Variants in CERS6 observed in about 807,000 individuals in gnomAD.
CERS6 encodes ceramide synthase 6, also known as LAG1 homolog, ceramide synthase 6.
A neutral mutation model predicts 56.8 loss-of-function variants in CERS6; 26 were observed. That is an observed-to-expected ratio of 0.46 (90% CI 0.34 to 0.63). The LOEUF (loss-of-function observed/expected upper bound fraction) is 0.63, where lower values mean the gene tolerates loss of function less well. Among genes scored for constraint, CERS6 ranks in the 30% least tolerant of loss-of-function variants. The pLI, the probability that CERS6 is intolerant of heterozygous loss-of-function variation, is 0.01. For synonymous variants in CERS6, 164 were observed against 173.3 expected (o/e 0.95, Z 0.42); for missense variants, 415 against 467.5 (o/e 0.89, Z 1.04).
chr2:168,764,560 A>C (rs560312777), intron 8 of CERS6, among the ~76,000 whole-genome samples: 1 of 152,268 alleles, frequency 6.6e-6, no homozygotes, highest in South Asian at 2.1e-4. Flanking sequence ...TTACAAAATT[A>C]AGGACCCTCT....
rs150724635 is a variant in CERS6, at chr2:168,520,598, CTTTTTTTT to C, written c.171-26976_171-26969del. Among the ~76,000 whole-genome samples the C allele has an allele frequency of 4.5e-4, 26 of 57,894 alleles. 4 individuals carry two copies. The highest frequency in any genetic ancestry group is 4.2e-4 in the Non-Finnish European group (13 of 31,012). The allele number at this position is 57,894 out of a possible 152,430, so 38.0% of individuals were successfully genotyped here. A position where few individuals can be genotyped will look rare whatever the true frequency, so the allele number is the denominator to read the frequency against. ...TTAACTCTTTAACATTTACAATATCCTTTTTTTTTTTTTTTTTTTTTTTTTTTTTGAGA... is the reference window on the plus strand; with the variant it reads ...TTAACTCTTTAACATTTACAATATCCTTTTTTTTTTTTTTTTTTTTTGAGA... On this transcript the variant is annotated intron_variant, in intron 1 of 9. Transcript: ENST00000305747.
intron 8 of CERS6, among the ~76,000 whole-genome samples, chr2:168,746,775 G>GGGTA (rs1211266646): frequency 1.5e-4 from 6 of 39,016 alleles, no homozygotes; most frequent in Non-Finnish European, 2.2e-4. Flanking sequence ...AGGGTAAAGG[G>GGGTA]TATATATATA....
chr2:168,720,467 T>G (rs1364716111), intron 8 of CERS6, among the ~76,000 whole-genome samples: 3 of 152,168 alleles, frequency 2.0e-5, no homozygotes, highest in Admixed American at 2.0e-4. Flanking sequence ...TTCTGGGGTC[T>G]GAGTATCTTG....
intron 3 of CERS6, among the ~76,000 whole-genome samples, chr2:168,626,403 T>C (rs764821520): frequency 8.5e-5 from 13 of 152,110 alleles, no homozygotes; most frequent in Non-Finnish European, 4.4e-5. Context: ...GCCTTTTGGG[T>C]GACACCTGGC....
intron 1 of CERS6, among the ~76,000 whole-genome samples, chr2:168,520,421 C>T (rs1694955768): frequency 6.6e-6 from 1 of 151,896 alleles, no homozygotes; most frequent in African/African-American, 2.4e-5. Context: ...TGTGCAGAAG[C>T]TCTTTAGTTT....
At chr2:168,558,659 G>A (rs1397100989) in intron 2 of CERS6, among the ~76,000 whole-genome samples, 5 of 152,196 alleles carry the variant, frequency 3.3e-5, no homozygotes, top group Admixed American at 2.6e-4. Context: ...CACAAGGTCA[G>A]GAGATCGAGA....
chr2:168,678,653 G>A (rs1488908009), intron 4 of CERS6, among the ~76,000 whole-genome samples: 1 of 152,110 alleles, frequency 6.6e-6, no homozygotes, highest in Non-Finnish European at 1.5e-5. Context: ...GCCTTGAGGA[G>A]GTGGCGTGGC....
intron 1 of CERS6, among the ~76,000 whole-genome samples, chr2:168,473,579 G>A (rs1694015988): frequency 6.6e-6 from 1 of 151,986 alleles, no homozygotes; most frequent in African/African-American, 2.4e-5. Flanking sequence ...ATTTTAATTT[G>A]TGGATTAAAA....
rs142841956 is a variant in CERS6 at position 168,764,724 on chromosome 2, C to T, written c.846-868C>T. Among the ~76,000 whole-genome samples, 712 of 152,190 alleles carry T rather than the reference C, an allele frequency of 4.7e-3. 5 individuals carry two copies. Among genetic ancestry groups the T allele is most frequent in the Middle Eastern group, 0.02 (6 of 294 alleles). ...TATTGGCATTGAATGGCATTCTTCG[C>T]GCTTATTTAAAGCCCAAAAGCAACT... On this transcript the variant is annotated intron_variant, in intron 8 of 9. Coordinates refer to ENST00000305747, the MANE Select transcript of CERS6 (RefSeq NM_203463.3).
chr2:168,642,823 G>C (rs1685080420), intron 4 of CERS6, among the ~76,000 whole-genome samples: 1 of 152,178 alleles, frequency 6.6e-6, no homozygotes, highest in Non-Finnish European at 1.5e-5. Flanking sequence ...AGGACACTTA[G>C]TGAAAACAGC....
At chr2:168,657,763 G>A (rs1379353546) in intron 4 of CERS6, among the ~76,000 whole-genome samples, 5 of 152,202 alleles carry the variant, frequency 3.3e-5, no homozygotes, top group South Asian at 2.1e-4. Context: ...ACGCCCACCC[G>A]GAACTCCAGC....
chr2:168,544,004 T>C (rs916189775), intron 1 of CERS6, among the ~76,000 whole-genome samples: 3 of 152,336 alleles, frequency 2.0e-5, no homozygotes, highest in African/African-American at 4.8e-5. Flanking sequence ...TGTATTTTAC[T>C]TGATGGTTTT....
intron 8 of CERS6, among the ~76,000 whole-genome samples, chr2:168,735,487 T>G (rs17197994): frequency 0.033 from 5,091 of 152,176 alleles, 132 homozygotes; most frequent in Non-Finnish European, 0.049. Context: ...ATCAGACCGT[T>G]TCAGGGCTCT....
chr2:168,572,678 G>A (rs540897691), intron 3 of CERS6, among the ~76,000 whole-genome samples: 1 of 152,160 alleles, frequency 6.6e-6, no homozygotes, highest in East Asian at 1.9e-4. Context: ...CTTATGAAGG[G>A]CTGGAGTTAA....
chr2:168,569,103 T>G (rs1695935897), intron 3 of CERS6, among the ~76,000 whole-genome samples: 1 of 152,210 alleles, frequency 6.6e-6, no homozygotes, highest in Admixed American at 6.5e-5. Flanking sequence ...AACAGAAATG[T>G]ATTTTCTCAT....
intron 8 of CERS6, among the ~76,000 whole-genome samples, chr2:168,757,544 A>T (rs1474676729): frequency 2.0e-5 from 3 of 152,058 alleles, no homozygotes; most frequent in Non-Finnish European, 4.4e-5. Flanking sequence ...TGAAAGAGAG[A>T]TTATTTGTCC....
chr2:168,595,594 T>A (rs1224660337), intron 3 of CERS6, among the ~76,000 whole-genome samples: 1 of 152,248 alleles, frequency 6.6e-6, no homozygotes, highest in Non-Finnish European at 1.5e-5. Flanking sequence ...AGCATTAAAA[T>A]GTAAACTTAA....
At chr2:168,556,229 G>A (rs1032568908) in intron 2 of CERS6, among the ~76,000 whole-genome samples, 1 of 151,970 alleles carries the variant, frequency 6.6e-6, no homozygotes, top group Non-Finnish European at 1.5e-5. Flanking sequence ...AGCAAGACTA[G>A]AGACCAAATT....
intron 1 of CERS6, among the ~76,000 whole-genome samples, chr2:168,527,517 G>A (rs1158873657): frequency 6.6e-6 from 1 of 152,152 alleles, no homozygotes; most frequent in Admixed American, 6.6e-5. Context: ...AGTTTGCAAA[G>A]AATTAAATTT....
Sources: allele counts gnomAD v4.1 joint callset (sites outside exome capture counted in the v4.1 genomes callset), GRCh38; gene constraint gnomAD v4.1.1; transcripts MANE v1.5; gene names NCBI Gene and HGNC (gene_info 2026-07-23, HGNC 2026-07-21).